SCAMP2: variants seen among roughly 807,000 people sequenced by gnomAD.
The protein encoded by SCAMP2 is secretory carrier membrane protein 2, also known as secretory carrier-associated membrane protein 2.
SCAMP2 carries 25 observed loss-of-function variants against 44.1 expected under a neutral mutation model. That is an observed-to-expected ratio of 0.57 (90% CI 0.41 to 0.79). The LOEUF (loss-of-function observed/expected upper bound fraction) is 0.79, where lower values mean the gene tolerates loss of function less well. SCAMP2 is among the 30% of genes least tolerant of loss of function. The pLI is 0.00. For synonymous variants in SCAMP2, 156 were observed against 166.0 expected (o/e 0.94, Z 0.46); for missense variants, 355 against 411.0 (o/e 0.86, Z 1.18).
intron 4 of SCAMP2, 156 bp downstream of exon 4, chr15:74,851,913 C>G (rs2064437728): frequency 3.8e-6 from 2 of 531,212 alleles, no homozygotes; most frequent in Admixed American, 3.1e-5. Context: ...TGACTTGCAA[C>G]TTACTGCTCT....
chr15:74,870,474 A>G (rs1457542123), intron 1 of SCAMP2, among the ~76,000 whole-genome samples: 1 of 152,178 alleles, frequency 6.6e-6, no homozygotes, highest in Non-Finnish European at 1.5e-5. Flanking sequence ...ATACACCATA[A>G]GGCTACAAGA....
chr15:74,864,186 TGA>T (rs1486308942), intron 1 of SCAMP2, among the ~76,000 whole-genome samples: 1 of 152,180 alleles, frequency 6.6e-6, no homozygotes, highest in Non-Finnish European at 1.5e-5. Context: ...CTCAGCCTCC[TGA>T]GTAGCTAGGA....
At chr15:74,847,086 A>ATT (rs34231883) in intron 7 of SCAMP2, among the ~76,000 whole-genome samples, 59,963 of 109,464 alleles carry the variant, frequency 0.55, 17,528 homozygotes, top group Non-Finnish European at 0.66. Context: ...TTGTCAGTTA[A>ATT]TTTTTTTTTT....
intron 7 of SCAMP2, among the ~76,000 whole-genome samples, chr15:74,846,043 G>A (rs1332380527): frequency 6.6e-6 from 1 of 152,134 alleles, no homozygotes; most frequent in Non-Finnish European, 1.5e-5. Context: ...AGCACTTTGG[G>A]AGGCCAAGGA....
chr15:74,857,634 T>C (rs776025849), intron 1 of SCAMP2, among the ~76,000 whole-genome samples: 4 of 152,194 alleles, frequency 2.6e-5, no homozygotes, highest in African/African-American at 7.2e-5. Flanking sequence ...CACAAAGAGA[T>C]GCCATTTCCT....
intron 1 of SCAMP2, among the ~76,000 whole-genome samples, chr15:74,854,855 G>C (rs1322969611): frequency 2.0e-5 from 3 of 152,118 alleles, no homozygotes; most frequent in African/African-American, 7.2e-5. Flanking sequence ...AAAAGGTTCA[G>C]CCCAGAAGAG....
intron 1 of SCAMP2, among the ~76,000 whole-genome samples, chr15:74,859,976 CA>C (rs2064492225): frequency 6.6e-6 from 1 of 152,142 alleles, no homozygotes; most frequent in Admixed American, 6.6e-5. Context: ...AAAAAAAATT[CA>C]GGGCCAGCCG....
chr15:74,869,112 C>T (rs989662824), intron 1 of SCAMP2, among the ~76,000 whole-genome samples: 1 of 152,138 alleles, frequency 6.6e-6, no homozygotes, highest in Non-Finnish European at 1.5e-5. Context: ...CAAGATCGCA[C>T]CATTGCACTC....
chr15:74,871,137 A>C (rs2064572294), intron 1 of SCAMP2, among the ~76,000 whole-genome samples: 1 of 152,184 alleles, frequency 6.6e-6, no homozygotes. Flanking sequence ...CTGTGCTCTC[A>C]GCTGAAAGGC....
intron 7 of SCAMP2, 72 bp from the exon 8 acceptor site, chr15:74,845,665 C>T (rs1242644155): frequency 3.2e-6 from 5 of 1,571,802 alleles, no homozygotes; most frequent in Admixed American, 1.7e-5. Context: ...AGGGGCTCTT[C>T]TCCAAGTGGC....
intron 1 of SCAMP2, among the ~76,000 whole-genome samples, chr15:74,855,506 C>T (rs548398855): frequency 5.9e-5 from 9 of 152,020 alleles, no homozygotes; most frequent in African/African-American, 9.6e-5. Flanking sequence ...CACCTGAGGT[C>T]GGGAGCTCAA....
intron 1 of SCAMP2, among the ~76,000 whole-genome samples, chr15:74,861,945 G>C (rs567965293): frequency 8.0e-5 from 12 of 149,240 alleles, no homozygotes; most frequent in Non-Finnish European, 1.8e-4. Flanking sequence ...AAAAGAAAAG[G>C]CTTTGTTACA....
chr15:74,870,292 G>A (rs889026236), intron 1 of SCAMP2, among the ~76,000 whole-genome samples: 2 of 152,196 alleles, frequency 1.3e-5, no homozygotes, highest in African/African-American at 4.8e-5. Flanking sequence ...AGACTTTCAA[G>A]CAGCTATTAA....
chr15:74,850,575 A>T lies in SCAMP2; in HGVS notation c.571T>A (p.Phe191Ile). The T allele has an allele frequency of 6.2e-7, 1 of 1,614,140 alleles. No individual in the cohort carries two copies. Among genetic ancestry groups the T allele is most frequent in the Non-Finnish European group, 8.5e-7 (1 of 1,180,020 alleles). The change falls in exon 6 of 9, where the codon TTT becomes ATT. Residue 191 changes from phenylalanine to isoleucine, a missense_variant. Physicochemically the swap from Phe to Ile is conservative, Grantham distance 21. Transcript: ENST00000268099. ...GVDFGLSILW[F>I]LIFTPCAFLC... ...AAGGCACAGGGAGTGAAGATCAGAA[A>T]CCACAGGATGGAGAGGCCAAAGTCC...
Position 74,854,644 on chromosome 15 carries a change from G to A in SCAMP2, c.63C>T (p.Pro21=), listed in dbSNP as rs1283222988. ...GGGCGTTGGTCAGCTGGGTCACAGAGGGATCCTGAGAAGGTGAAAAAAAGC... is the reference window on the plus strand; with the variant it reads ...GGGCGTTGGTCAGCTGGGTCACAGAAGGATCCTGAGAAGGTGAAAAAAAGC... The part of the protein sequence containing the change: ...DPVDVNPFQD[P]SVTQLTNAPQ... The change falls in exon 2 of 9, where the codon CCC becomes CCT. Residue 21 remains proline (P), a synonymous_variant. Transcript: ENST00000268099. The A allele has an allele frequency of 2.5e-6, 4 of 1,608,664 alleles. No individual in the cohort carries two copies. Among genetic ancestry groups the A allele is most frequent in the Non-Finnish European group, 3.4e-6 (4 of 1,177,618 alleles).
At position 74,845,158 on chromosome 15, in the gene SCAMP2, G is replaced by A; in HGVS notation, c.915C>T (p.Ser305=). The change falls in exon 9 of 9, where the codon TCC becomes TCT. Residue 305 remains serine (S), a synonymous_variant. Coordinates refer to ENST00000268099, the MANE Select transcript of SCAMP2 (RefSeq NM_005697.5). ...AGGTTCTGCTGCTGAAGATGCCCTG[G>A]GAAAACTCCTCCTGGGCCTGCTGGA... ...ASFQQAQEEF[S]QGIFSSRTFH... 6.2e-7 allele frequency: 1 copy of A among 1,614,032 alleles called. No individual in the cohort carries two copies. The highest frequency in any genetic ancestry group is 8.5e-7 in the Non-Finnish European group (1 of 1,180,002).
At chr15:74,851,604 G>A (rs937958439) in intron 4 of SCAMP2, 123 bp from the exon 5 acceptor site, 3 of 1,238,194 alleles carry the variant, frequency 2.4e-6, no homozygotes, top group Middle Eastern at 2.9e-4. Flanking sequence ...AGCAAGCGGG[G>A]CTTGGAGTCT....
chr15:74,853,444 C>T (rs770792871), intron 3 of SCAMP2: 5 of 456,386 alleles, frequency 1.1e-5, no homozygotes, highest in East Asian at 6.9e-5. Context: ...TGAGAGCTCG[C>T]TCACTGCCAG....
At chr15:74,856,091 T>G (rs2064467002) in intron 1 of SCAMP2, among the ~76,000 whole-genome samples, 1 of 151,848 alleles carries the variant, frequency 6.6e-6, no homozygotes, top group African/African-American at 2.4e-5. Flanking sequence ...TTCACAGCCA[T>G]GCCTGGGCTC....
Sources: allele counts gnomAD v4.1 joint callset (sites outside exome capture counted in the v4.1 genomes callset), GRCh38; gene constraint gnomAD v4.1.1; transcripts MANE v1.5; gene names NCBI Gene and HGNC (gene_info 2026-07-23, HGNC 2026-07-21).